ARSD: variants seen among roughly 807,000 people sequenced by gnomAD.
ARSD encodes testis tissue sperm-binding protein Li 39a.
ARSD carries 21 observed loss-of-function variants against 32.6 expected under a neutral mutation model. The ratio of observed to expected loss-of-function variants is 0.64; its 90% CI spans 0.46 to 0.93. The LOEUF (loss-of-function observed/expected upper bound fraction) is 0.93, where lower values mean the gene tolerates loss of function less well. ARSD is among the 40% of genes least tolerant of loss of function. The pLI, the probability that ARSD is intolerant of heterozygous loss-of-function variation, is 0.00. For synonymous variants in ARSD, 224 were observed against 237.4 expected, an observed-to-expected ratio of 0.94 and a Z score of 0.52; for missense variants, 454 against 520.9, an observed-to-expected ratio of 0.87 and a Z score of 1.25.
intron 4 of ARSD, 135 bp from the exon 5 acceptor site, chrX:2,918,362 G>T: frequency 1.7e-6 from 1 of 579,922 alleles, no homozygotes; most frequent in Non-Finnish European, 2.7e-6. Context: ...GAAAGGCAAT[G>T]AATGGATTGG....
At chrX:2,912,374 G>C in intron 6 of ARSD, among the ~76,000 whole-genome samples, 1 of 111,086 alleles carries the variant, frequency 9.0e-6, no homozygotes, top group Non-Finnish European at 1.9e-5. Flanking sequence ...CCCCCTTTCA[G>C]TGGTCTTGCC....
Position 2,905,306 on chromosome X carries a change from A to C in ARSD, c.*1965T>G. 4.5e-6 allele frequency: 1 copy of C among 221,060 alleles called. No homozygotes were observed. The highest frequency in any genetic ancestry group is 5.2e-5 in the South Asian group (1 of 19,412). The allele number at this position is 221,060 out of a possible 1,213,427, so 18.2% of individuals were successfully genotyped here. ...TAGATGTCATTTAGGCTCTCGTTTCAATTCCCAGTATGCTTCCTGCAAAGA... is the reference window on the plus strand; with the variant it reads ...TAGATGTCATTTAGGCTCTCGTTTCCATTCCCAGTATGCTTCCTGCAAAGA... On this transcript the variant is annotated 3_prime_UTR_variant, in exon 10 of 10. Coordinates refer to ENST00000381154, the MANE Select transcript of ARSD (RefSeq NM_001669.4).
chrX:2,918,300 C>G, intron 4 of ARSD, 73 bp from the exon 5 acceptor site: 1 of 1,003,101 alleles, frequency 1.0e-6, no homozygotes, highest in Non-Finnish European at 1.3e-6. Context: ...ACCTCGGAAT[C>G]ATTCCGCGTC....
In ARSD at chrX:2,908,534, TC is replaced by T. The variant is rs369116749; in HGVS notation, c.1420+186del. ...TCTATCATCTCTCTCTCTCTCTCTC[TC>T]CCCCCCCCATCATCTATCTATAATC... On this transcript the variant is annotated intron_variant, in intron 9 of 9. Coordinates refer to ENST00000381154, the MANE Select transcript of ARSD (RefSeq NM_001669.4). 8.4e-3 allele frequency among the ~76,000 whole-genome samples: 709 copies of T among 84,095 alleles called. 12 individuals carry two copies. The highest frequency in any genetic ancestry group is 0.029 in the African/African-American group (601 of 20,728). 73.0% of individuals were successfully genotyped at this position (84,095 alleles called of 115,157 possible).
At chrX:2,907,717 A>G in intron 9 of ARSD, 85 bp from the exon 10 acceptor site, 1 of 1,075,200 alleles carries the variant, frequency 9.3e-7, no homozygotes, top group South Asian at 2.7e-5. Flanking sequence ...CTGTGGTATC[A>G]GCATGAACCT....
At chrX:2,927,940 C>G (rs1035826042) in intron 1 of ARSD, among the ~76,000 whole-genome samples, 16 of 112,023 alleles carry the variant, frequency 1.4e-4, no homozygotes, top group African/African-American at 5.2e-4. Context: ...GATTATGTAC[C>G]CGGGCCCTTG....
rs2088876386 is a variant in ARSD, at chrX:2,908,727, T to C, written c.1414A>G (p.Lys472Glu). The change falls in exon 9 of 10, where the codon AAG becomes GAG. Residue 472 changes from lysine (K) to glutamate (E), a missense_variant. Lys to Glu is a moderately conservative substitution (Grantham distance 56, BLOSUM62 1). Transcript: ENST00000381154. ...QHLHAARWHQ[K>E]DSGSVWKVHY... ...GTGGGCAGCAGGTACTCACTGTCCT[T>C]CTGGTGCCAGCGTGCTGCGTGAAGA... 8.4e-7 allele frequency: 1 copy of C among 1,193,807 alleles called. No individual in the cohort carries two copies. The highest frequency in any genetic ancestry group is 1.1e-6 in the Non-Finnish European group (1 of 887,268).
Position 2,921,979 on chromosome X carries a change from A to G in ARSD, c.240T>C (p.Thr80=), listed in dbSNP as rs1230021758. ...DQLAEEGVRL[T]QHLAAAPLCT... is the part of the protein sequence containing the mutation. ...AGAGCGGGGCGGCCGCCAGGTGCTGAGTGAGCCTCACACCTTCCTCTGCAA... is the reference window on the plus strand; with the variant it reads ...AGAGCGGGGCGGCCGCCAGGTGCTGGGTGAGCCTCACACCTTCCTCTGCAA... Residue 80 remains threonine (T), a synonymous_variant, in exon 3 of 10, where the codon ACT becomes ACC. Coordinates refer to ENST00000381154, the MANE Select transcript of ARSD (RefSeq NM_001669.4). The G allele has an allele frequency of 8.3e-7, 1 of 1,208,592 alleles. No homozygotes were observed. The highest frequency in any genetic ancestry group is 1.7e-5 in the African/African-American group (1 of 57,205).
chrX:2,913,242 G>A (rs1285987987), intron 6 of ARSD, among the ~76,000 whole-genome samples: 11 of 112,387 alleles, frequency 9.8e-5, no homozygotes, highest in Admixed American at 2.8e-4. Context: ...TTATGATAAG[G>A]AGTTGTGGAG....
intron 1 of ARSD, among the ~76,000 whole-genome samples, chrX:2,928,492 A>C: frequency 3.6e-5 from 1 of 27,587 alleles, no homozygotes; most frequent in Admixed American, 5.3e-4. Flanking sequence ...TGGGAAGGCA[A>C]AGGGCCGGGG....
intron 1 of ARSD, among the ~76,000 whole-genome samples, chrX:2,926,803 TC>T (rs2089086646): frequency 8.9e-6 from 1 of 111,921 alleles, no homozygotes; most frequent in Non-Finnish European, 1.9e-5. Flanking sequence ...TTCTTTTTTT[TC>T]TTTTTTTTGA....
At position 2,905,094 on chromosome X, in the gene ARSD, G is replaced by C. The variant is rs1244210265; in HGVS notation, c.*2177C>G. 1.5e-5 allele frequency: 5 copies of C among 337,155 alleles called. No individual in the cohort carries two copies. The highest frequency in any genetic ancestry group is 2.4e-5 in the Non-Finnish European group (4 of 169,075). The allele number at this position is 337,155 out of a possible 1,213,427, so 27.8% of individuals were successfully genotyped here. A position where few individuals can be genotyped will look rare whatever the true frequency, so the allele number is the denominator to read the frequency against. On this transcript the variant is annotated 3_prime_UTR_variant, in exon 10 of 10. Coordinates refer to ENST00000381154, the MANE Select transcript of ARSD (RefSeq NM_001669.4). ...GATTTGGACACAGGGAGCCAGGGGA[G>C]AGGGGCATCAGCTGCCTGGTTAGCA...
chrX:2,927,829 C>T (rs12013334), intron 1 of ARSD, among the ~76,000 whole-genome samples: 5,059 of 110,889 alleles, frequency 0.046, 308 homozygotes, highest in African/African-American at 0.16. Context: ...TTGGCTGCTG[C>T]CTGCAACCAA....
intron 2 of ARSD, chrX:2,923,197 G>T: frequency 4.0e-6 from 1 of 247,355 alleles, no homozygotes. Context: ...ATATTGGTTG[G>T]GCACGGTGGT....
intron 2 of ARSD, among the ~76,000 whole-genome samples, 189 bp from the exon 3 acceptor site, chrX:2,922,213 ATCTCTCTC>A (rs776777408): frequency 9.5e-6 from 1 of 105,782 alleles, no homozygotes; most frequent in Non-Finnish European, 2.0e-5. Flanking sequence ...GATGGATGAC[ATCTCTCTC>A]TCTCTCTCTC....
chrX:2,918,316 G>C, intron 4 of ARSD, 89 bp from the exon 5 acceptor site: 2 of 935,967 alleles, frequency 2.1e-6, no homozygotes, highest in Non-Finnish European at 2.9e-6. Context: ...GCGTCGGCAG[G>C]AAAAGAAAAG....
chrX:2,928,881 G>T (rs2089120136), intron 1 of ARSD, among the ~76,000 whole-genome samples: 1 of 112,160 alleles, frequency 8.9e-6, no homozygotes, highest in South Asian at 3.7e-4. Context: ...AGCAGGGCGT[G>T]ACCGGCCCAG....
chrX:2,928,692 G>A (rs2089116241), intron 1 of ARSD, among the ~76,000 whole-genome samples: 1 of 98,663 alleles, frequency 1.0e-5, no homozygotes, highest in Non-Finnish European at 2.1e-5. Context: ...GGGGCGGGAC[G>A]GGGTGCCTCT....
In ARSD at chrX:2,905,232, C is replaced by G. The variant is rs2088844154; in HGVS notation, c.*2039G>C. ...TGGCTCCCTGCCTCCCACTGATGTC[C>G]TTAGAATCCCATCCTCACCTAATAC... is the stretch of plus-strand genomic sequence containing the variant. On this transcript the variant is annotated 3_prime_UTR_variant, in exon 10 of 10. Coordinates refer to ENST00000381154, the MANE Select transcript of ARSD (RefSeq NM_001669.4). The G allele has an allele frequency of 3.9e-6, 1 of 254,048 alleles. No individual in the cohort carries two copies. Among genetic ancestry groups the G allele is most frequent in the Non-Finnish European group, 7.4e-6 (1 of 134,448 alleles). The allele number at this position is 254,048 out of a possible 1,213,427, so 20.9% of individuals were successfully genotyped here.
Sources: allele counts gnomAD v4.1 joint callset (sites outside exome capture counted in the v4.1 genomes callset), GRCh38; gene constraint gnomAD v4.1.1; transcripts MANE v1.5; gene names NCBI Gene and HGNC (gene_info 2026-07-23, HGNC 2026-07-21).